The following NCALD variants were observed in gnomAD, a reference collection of about 807,000 sequenced individuals.
NCALD encodes neurocalcin delta.
A neutral mutation model predicts 18.6 loss-of-function variants in NCALD; 10 were observed. The observed-to-expected ratio is 0.54, with a 90% CI of 0.33 to 0.91. The LOEUF (loss-of-function observed/expected upper bound fraction) is 0.91. Ranked by LOEUF, NCALD falls within the 40% of genes least tolerant of loss-of-function variation. The probability of loss-of-function intolerance (pLI) is 0.03; values close to 1 mark genes in which losing one functional copy is unlikely to be tolerated. For synonymous variants in NCALD, 88 were observed against 87.4 expected (o/e 1.01, Z -0.04); for missense variants, 184 against 247.6 (o/e 0.74, Z 1.72).
At chr8:102,065,622 G>A (rs1823985218) in intron 1 of NCALD, among the ~76,000 whole-genome samples, 1 of 152,068 alleles carries the variant, frequency 6.6e-6, no homozygotes, top group African/African-American at 2.4e-5. Context: ...AACTCCCCAG[G>A]GCTACAGGAA....
At chr8:102,075,242 A>AAT (rs1824305424) in intron 1 of NCALD, among the ~76,000 whole-genome samples, 2 of 152,230 alleles carry the variant, frequency 1.3e-5, no homozygotes, top group African/African-American at 4.8e-5. Flanking sequence ...TCTAAACCTC[A>AAT]TAGATGTTAC....
At chr8:101,707,341 G>A (rs1171458259) in intron 2 of NCALD, among the ~76,000 whole-genome samples, 3 of 152,210 alleles carry the variant, frequency 2.0e-5, no homozygotes, top group African/African-American at 7.2e-5. Context: ...GAATTGGTCA[G>A]GTGGGCAGTC....
chr8:101,879,635 C>T (rs1449922818), intron 4 of NCALD, among the ~76,000 whole-genome samples: 2 of 152,230 alleles, frequency 1.3e-5, no homozygotes, highest in Admixed American at 6.5e-5. Context: ...GCCCCACCCA[C>T]ATCCTGTTGA....
Position 101,830,544 on chromosome 8 carries a change from G to A in NCALD, c.-20+56597C>T, listed in dbSNP as rs1009822924. 1.2e-4 allele frequency among the ~76,000 whole-genome samples: 14 copies of A among 115,780 alleles called. No individual in the cohort carries two copies. The South Asian group carries it at 2.8e-3, about 23-fold the overall frequency. The allele number at this position is 115,780 out of a possible 152,430, so 76.0% of individuals were successfully genotyped here. The stretch of plus-strand genomic sequence containing the variant: ...AGCCTGGGTGACAGAGCGAGACTCC[G>A]TCTCAAAAAAAAAAAAGAAAGAAAA... On this transcript the variant is annotated intron_variant, in intron 4 of 6. Coordinates refer to the NCALD transcript ENST00000311028.
chr8:101,821,287 C>G (rs780661277), intron 4 of NCALD, among the ~76,000 whole-genome samples: 9 of 152,146 alleles, frequency 5.9e-5, no homozygotes, highest in Non-Finnish European at 1.3e-4. Flanking sequence ...AGAAATGATA[C>G]AATGGTAAAC....
At chr8:101,989,686 A>G (rs7814951) in intron 2 of NCALD, among the ~76,000 whole-genome samples, 28,474 of 151,996 alleles carry the variant, frequency 0.19, 3,287 homozygotes, top group African/African-American at 0.32. Flanking sequence ...TGTTCTGCTG[A>G]CTCACTTGCT....
intron 1 of NCALD, among the ~76,000 whole-genome samples, chr8:102,050,795 T>C (rs986449818): frequency 1.4e-5 from 2 of 145,246 alleles, no homozygotes; most frequent in African/African-American, 2.5e-5. Flanking sequence ...TAACTAATTT[T>C]TAATTTAATT....
chr8:102,002,609 C>T (rs180850498), intron 2 of NCALD, among the ~76,000 whole-genome samples: 67 of 152,178 alleles, frequency 4.4e-4, no homozygotes, highest in Non-Finnish European at 7.1e-4. Flanking sequence ...TATTCCAAAA[C>T]TGACCACATA....
chr8:102,087,904 TC>T (rs1824793903), intron 1 of NCALD, among the ~76,000 whole-genome samples: 1 of 1,252 alleles, frequency 8.0e-4, no homozygotes, highest in Non-Finnish European at 1.2e-3. Context: ...AATGCTTTCC[TC>T]TCTCTCTCTC....
rs181839426 is a variant in NCALD, at chr8:101,958,363, A to G, written c.-156-42505T>C. Among the ~76,000 whole-genome samples, 24 of 152,148 alleles carry G rather than the reference A, an allele frequency of 1.6e-4. No homozygotes were observed. In the East Asian group the frequency reaches 4.1e-3, roughly 26 times the overall value. ...CCTTAATCTCATAATGCTTGTAGGA[A>G]TTTACTCGTACAGCATAATTGGTCA... On this transcript the variant is annotated intron_variant, in intron 2 of 6. Transcript: ENST00000311028.
intron 1 of NCALD, among the ~76,000 whole-genome samples, chr8:101,775,052 T>G (rs991417493): frequency 1.3e-5 from 2 of 152,176 alleles, no homozygotes; most frequent in Non-Finnish European, 2.9e-5. Context: ...TGCTCAGGGT[T>G]GTTTTCCCAG....
At chr8:101,720,016 TAAG>T (rs1816276151) in intron 1 of NCALD, among the ~76,000 whole-genome samples, 1 of 152,184 alleles carries the variant, frequency 6.6e-6, no homozygotes, top group African/African-American at 2.4e-5. Context: ...AGCTTAAATT[TAAG>T]AAGGCTGGGG....
At chr8:101,852,170 A>C (rs904835454) in intron 4 of NCALD, among the ~76,000 whole-genome samples, 5 of 152,298 alleles carry the variant, frequency 3.3e-5, no homozygotes, top group Non-Finnish European at 5.9e-5. Context: ...GGCAGCCTGA[A>C]TGGACTGAGA....
At chr8:102,014,078 C>A (rs1474699716) in intron 2 of NCALD, among the ~76,000 whole-genome samples, 1 of 152,118 alleles carries the variant, frequency 6.6e-6, no homozygotes, top group Non-Finnish European at 1.5e-5. Flanking sequence ...AATCTGAGAC[C>A]AATATGGAGA....
At chr8:101,797,084 C>A (rs553584624) in intron 4 of NCALD, among the ~76,000 whole-genome samples, 4 of 152,314 alleles carry the variant, frequency 2.6e-5, no homozygotes, top group African/African-American at 9.6e-5. Flanking sequence ...TGTCTCATGT[C>A]TCCCTAAAAT....
chr8:102,069,476 T>C (rs894715129), intron 1 of NCALD, among the ~76,000 whole-genome samples: 2 of 152,188 alleles, frequency 1.3e-5, no homozygotes, highest in African/African-American at 4.8e-5. Flanking sequence ...TTTTGCAATA[T>C]GAATCAAAAA....
At chr8:101,723,984 G>T (rs7840931) in intron 1 of NCALD, among the ~76,000 whole-genome samples, 9,774 of 152,102 alleles carry the variant, frequency 0.064, 1,034 homozygotes, top group African/African-American at 0.22. Flanking sequence ...CACAATTAAG[G>T]CATTTTTGCA....
At chr8:102,016,750 T>C (rs1388757329) in intron 2 of NCALD, among the ~76,000 whole-genome samples, 1 of 152,210 alleles carries the variant, frequency 6.6e-6, no homozygotes, top group Non-Finnish European at 1.5e-5. Context: ...CAATATTATT[T>C]ACTTTATTAT....
chr8:102,037,157 T>C (rs1306529315), intron 1 of NCALD, among the ~76,000 whole-genome samples: 1 of 152,212 alleles, frequency 6.6e-6, no homozygotes, highest in Non-Finnish European at 1.5e-5. Flanking sequence ...CACTATTAAA[T>C]GGCAGGCTCT....
Sources: allele counts gnomAD v4.1 joint callset (sites outside exome capture counted in the v4.1 genomes callset), GRCh38; gene constraint gnomAD v4.1.1; transcripts MANE v1.5; gene names NCBI Gene and HGNC (gene_info 2026-07-23, HGNC 2026-07-21).